IL17B: variants seen among roughly 807,000 people sequenced by gnomAD.
IL17B encodes the protein interleukin-17B.
In IL17B, 14 loss-of-function variants were observed where a neutral mutation model predicts 14.7. That is an observed-to-expected ratio of 0.95 (90% CI 0.63 to 1.49). The LOEUF is 1.49. IL17B is among the 40% of genes most tolerant of loss of function. The pLI, the probability that IL17B is intolerant of heterozygous loss-of-function variation, is 0.00. For synonymous variants in IL17B, 105 were observed against 94.8 expected (o/e 1.11, Z -0.62); for missense variants, 233 against 252.8 (o/e 0.92, Z 0.53).
intron 1 of IL17B, among the ~76,000 whole-genome samples, chr5:149,393,223 C>G (rs1238253172): frequency 6.6e-6 from 1 of 152,196 alleles, no homozygotes; most frequent in Non-Finnish European, 1.5e-5. Context: ...TTGACTTATG[C>G]TGTTCCCTTT....
chr5:149,374,563 G>A lies in IL17B; in HGVS notation c.349C>T (p.Pro117Ser). ...HDPSRIPVDL[P>S]EARCLCLGCV... is the part of the protein sequence containing the mutation. ...CCCAGACACAGGCACCGTGCCTCCG[G>A]CAGGTCCACGGGGATACGGCTGGGG... The change falls in exon 3 of 3, where the codon CCG (proline) becomes TCG (serine). Residue 117 changes from proline (P) to serine (S), a missense_variant. Pro to Ser is a moderately conservative substitution (Grantham distance 74, BLOSUM62 -1). Coordinates refer to ENST00000261796, the MANE Select transcript of IL17B (RefSeq NM_014443.3). This position sits in a 1 kb window ranked among gnomAD's most constrained non-coding sequence, Gnocchi z 5.0. 1 of 1,612,928 alleles carries A rather than the reference G, an allele frequency of 6.2e-7. No homozygotes were observed. The highest frequency in any genetic ancestry group is 8.5e-7 in the Non-Finnish European group (1 of 1,179,644).
chr5:149,393,240 A>G (rs1464487409), intron 1 of IL17B, among the ~76,000 whole-genome samples: 1 of 152,088 alleles, frequency 6.6e-6, no homozygotes, highest in East Asian at 1.9e-4. Flanking sequence ...CTTTGCTTCA[A>G]TGCCCTTCTC....
intron 1 of IL17B, among the ~76,000 whole-genome samples, chr5:149,387,699 C>G (rs1758853767): frequency 6.7e-6 from 1 of 150,230 alleles, no homozygotes; most frequent in Non-Finnish European, 1.5e-5. Flanking sequence ...TCACTTGATC[C>G]CAATAGGTCA....
In IL17B at chr5:149,376,879, A is replaced by G. The variant is rs770867489; in HGVS notation, c.168T>C (p.Tyr56=). The change falls in exon 2 of 3, where the codon TAT becomes TAC. Residue 56 remains tyrosine (Y), a synonymous_variant. Transcript: ENST00000261796. ...TCCTCTCATACTCCTCCATGCGGGCATACGGTTTCATCCGTGACACCAGGT... is the reference window on the plus strand; with the variant it reads ...TCCTCTCATACTCCTCCATGCGGGCGTACGGTTTCATCCGTGACACCAGGT... The part of the protein sequence containing the change: ...PLDLVSRMKP[Y]ARMEEYERNI... 7 of 1,614,028 alleles carry G rather than the reference A, an allele frequency of 4.3e-6. No individual in the cohort carries two copies. The highest frequency in any genetic ancestry group is 5.9e-6 in the Non-Finnish European group (7 of 1,180,028).
rs1437210261 is a variant in IL17B, at chr5:149,376,944, G to A, written c.103C>T (p.Pro35Ser). 2 of 1,612,848 alleles carry A rather than the reference G, an allele frequency of 1.2e-6. No individual in the cohort carries two copies. The highest frequency in any genetic ancestry group is 2.2e-5 in the South Asian group (2 of 90,948). ...PKSKRKGQGR[P>S]GPLAPGPHQV... is the part of the protein sequence containing the mutation. ...TGAGGGCCAGGGGCCAGGGGCCCAG[G>A]CCGCCCTTGCCCCTTCCTCTTGCTT... The change falls in exon 2 of 3, where the codon CCT (proline) becomes TCT (serine). Residue 35 changes from proline (P) to serine (S), a missense_variant. Coordinates refer to ENST00000261796, the MANE Select transcript of IL17B (RefSeq NM_014443.3).
Position 149,374,334 on chromosome 5 carries a change from C to A in IL17B, c.*35G>T. On this transcript the variant is annotated 3_prime_UTR_variant, in exon 3 of 3. Transcript: ENST00000261796. The surrounding 1 kb of genome is among the most constrained non-coding windows in gnomAD (Gnocchi z 5.0). The stretch of plus-strand genomic sequence containing the variant: ...GGCACAAAGGTGCAAGGAGGATGGT[C>A]TCGGGCTGCTGGCCTGGCTTCTGGG... 1 of 1,526,942 alleles carries A rather than the reference C, an allele frequency of 6.5e-7. No homozygotes were observed. The highest frequency in any genetic ancestry group is 1.2e-5 in the South Asian group (1 of 81,796). The allele number at this position is 1,526,942 out of a possible 1,614,324, so 94.6% of individuals were successfully genotyped here.
chr5:149,402,125 G>A (rs577881274), intron 1 of IL17B, among the ~76,000 whole-genome samples: 22 of 152,210 alleles, frequency 1.4e-4, no homozygotes, highest in Admixed American at 3.3e-4. Context: ...CCGTACAGGC[G>A]TCTTGGAAGG....
chr5:149,383,498 C>A (rs537392863), upstream of IL17B, among the ~76,000 whole-genome samples: 1 of 152,182 alleles, frequency 6.6e-6, no homozygotes, highest in East Asian at 1.9e-4. Context: ...TTGCTGGCTG[C>A]GACCAGGAGG....
intron 1 of IL17B, among the ~76,000 whole-genome samples, chr5:149,398,092 T>C (rs1039212414): frequency 5.3e-5 from 8 of 152,194 alleles, no homozygotes; most frequent in Non-Finnish European, 1.2e-4. Context: ...TCCAGTCAAG[T>C]CGATACCTAA....
chr5:149,376,792 C>T lies in IL17B; in HGVS notation c.255G>A (p.Glu85=), dbSNP rs1260509516. Residue 85 remains glutamate, a synonymous_variant, in exon 2 of 3, where the codon GAG becomes GAA. Coordinates refer to ENST00000261796, the MANE Select transcript of IL17B (RefSeq NM_014443.3). ...TGGACATCCACAGCTGCAAGTTGAC[C>T]TCACACTTTCTCTGGGCCAGCTCTG... ...NSSELAQRKC[E]VNLQLWMSNK... The T allele has an allele frequency of 6.2e-7, 1 of 1,613,894 alleles. No individual in the cohort carries two copies. The highest frequency in any genetic ancestry group is 8.5e-7 in the Non-Finnish European group (1 of 1,179,900).
intron 1 of IL17B, among the ~76,000 whole-genome samples, chr5:149,392,099 G>A (rs993571766): frequency 6.6e-6 from 1 of 152,214 alleles, no homozygotes; most frequent in Non-Finnish European, 1.5e-5. Flanking sequence ...TGGGTAACGG[G>A]ATAGAGTAAT....
At chr5:149,382,065 C>T (rs1202712877), upstream of IL17B, among the ~76,000 whole-genome samples, 1 of 152,212 alleles carries the variant, frequency 6.6e-6, no homozygotes, top group Non-Finnish European at 1.5e-5. Flanking sequence ...CAGCAGATGG[C>T]GCCACTAGAA....
At chr5:149,386,648 G>T (rs1021106615) in intron 1 of IL17B, among the ~76,000 whole-genome samples, 2 of 152,162 alleles carry the variant, frequency 1.3e-5, no homozygotes, top group African/African-American at 2.4e-5. Flanking sequence ...ATTGAGGAGG[G>T]TTCATTCCAA....
chr5:149,381,775 T>C (rs1758704595), upstream of IL17B, among the ~76,000 whole-genome samples: 2 of 152,196 alleles, frequency 1.3e-5, no homozygotes, highest in Non-Finnish European at 2.9e-5. Flanking sequence ...TGGAGGGTCA[T>C]CTGTCCTTTT....
chr5:149,378,555 TCACAGCCC>T (rs546501361), intron 1 of IL17B, among the ~76,000 whole-genome samples: 2 of 152,208 alleles, frequency 1.3e-5, no homozygotes, highest in Admixed American at 6.5e-5. Flanking sequence ...ATGCCTCACC[TCACAGCCC>T]CACAGCCCCA....
chr5:149,377,193 T>C (rs576514567), intron 1 of IL17B, among the ~76,000 whole-genome samples, 168 bp from the exon 2 acceptor site: 2 of 152,086 alleles, frequency 1.3e-5, no homozygotes, highest in Non-Finnish European at 2.9e-5. Context: ...CTGTTTCCTC[T>C]CTCTTGTGTG....
intron 1 of IL17B, chr5:149,404,039 A>T (rs1759265469): frequency 6.6e-6 from 1 of 151,870 alleles, no homozygotes; most frequent in African/African-American, 2.4e-5. Context: ...AACGATGCAA[A>T]CTCACTCTCA....
At position 149,374,413 on chromosome 5, in the gene IL17B, C is replaced by T. The variant is rs528081511; in HGVS notation, c.499G>A (p.Ala167Thr). The T allele has an allele frequency of 8.7e-6, 14 of 1,603,064 alleles. No individual in the cohort carries two copies. Among genetic ancestry groups the T allele is most frequent in the Admixed American group, 3.3e-5 (2 of 59,836 alleles). ...PPRTGPCRQR[A>T]VMETIAVGCT... Reference sequence around the variant, plus strand: ...CCCACAGCGATGGTCTCCATGACTGCGCGCTGGCGGCAAGGCCCTGTGCGG... The same window carrying T: ...CCCACAGCGATGGTCTCCATGACTGTGCGCTGGCGGCAAGGCCCTGTGCGG... Residue 167 changes from alanine to threonine, a missense_variant, in exon 3 of 3, where the codon GCA becomes ACA. Coordinates refer to ENST00000261796, the MANE Select transcript of IL17B (RefSeq NM_014443.3). The surrounding 1 kb of genome is among the most constrained non-coding windows in gnomAD (Gnocchi z 5.0).
At position 149,399,050 on chromosome 5, in the gene IL17B, G is replaced by A. The variant is rs538539548; in HGVS notation, n.95+5058C>T. Among the ~76,000 whole-genome samples the A allele has an allele frequency of 1.4e-3, 215 of 152,298 alleles. 1 individual carries two copies. The highest frequency in any genetic ancestry group is 6.8e-3 in the Middle Eastern group (2 of 294). The stretch of plus-strand genomic sequence containing the variant: ...CCCGTTTTTAAAACTATCAGATCTC[G>A]CGAGACTCATTTGCTATCATGAGAA... On this transcript the variant is annotated intron_variant and non_coding_transcript_variant, in intron 1 of 2. Coordinates refer to the IL17B transcript ENST00000505432.
Sources: gnomAD v4.1 joint callset for allele counts (sites outside exome capture counted in the v4.1 genomes callset) on GRCh38, gnomAD v4.1.1 for gene constraint, Gnocchi (gnomAD v3.1) non-coding constraint, MANE v1.5 for transcripts, NCBI Gene and HGNC (gene_info 2026-07-23, HGNC 2026-07-21) for gene names.